Variants in PLEC observed in about 807,000 individuals in gnomAD.
PLEC encodes the protein hemidesmosomal protein 1.
In PLEC, 216 loss-of-function variants were observed where a neutral mutation model predicts 392.8. That is an observed-to-expected ratio of 0.55 (90% CI 0.49 to 0.62). PLEC has a LOEUF of 0.62. PLEC is among the 20% of genes least tolerant of loss of function. PLEC has a pLI of 0.00. For missense variants in PLEC, 6,863 were observed against 6,563.4 expected (o/e 1.05, Z -1.58); for synonymous variants, 3,621 against 2,980.6 (o/e 1.21, Z -7.00).
At position 143,929,407 on chromosome 8, in the gene PLEC, C is replaced by A; in HGVS notation, c.3081+7G>T. On this transcript the variant is annotated splice_region_variant and intron_variant, in intron 24 of 31. Coordinates refer to ENST00000345136, the MANE Select transcript of PLEC (RefSeq NM_201384.3). ...GATGGGACTGGATGGGGGGGGACGG[C>A]CCCTGCCTGCTGCTCGGCGATGCGC... The A allele has an allele frequency of 6.4e-7, 1 of 1,560,960 alleles. No homozygotes were observed. The highest frequency in any genetic ancestry group is 1.2e-5 in the South Asian group (1 of 86,164).
intron 3 of PLEC, chr8:143,937,772 C>T (rs1554724682): frequency 2.6e-5 from 13 of 507,132 alleles, no homozygotes; most frequent in South Asian, 2.0e-4. Flanking sequence ...CTGCTTACGT[C>T]CCGCTCCCTC....
rs782394400 is a variant in PLEC, at chr8:143,932,360, A to C, written c.1977+40T>G. 3 of 1,610,674 alleles carry C rather than the reference A, an allele frequency of 1.9e-6. No individual in the cohort carries two copies. The South Asian group carries it at 3.3e-5, about 18-fold the overall frequency. On this transcript the variant is annotated intron_variant, in intron 16 of 31. Coordinates refer to ENST00000345136, the MANE Select transcript of PLEC (RefSeq NM_201384.3). ...GGGGACGGCCAGGGCACAGCTGGGG[A>C]GGGGGCTGTGGGGTTCAGGGCAGCT...
chr8:143,921,218 A>C lies in PLEC; in HGVS notation c.8603T>G (p.Leu2868Arg). ...THENLTYLQL[L>R]ERCVEDPETG... ...CTCGGGGTCCTCCACGCAGCGCTCC[A>C]GTAGCTGCAGGTACGTGAGGTTCTC... is the stretch of plus-strand genomic sequence containing the variant. The change falls in exon 32 of 32, where the codon CTG (leucine) becomes CGG (arginine). Residue 2868 changes from leucine (L) to arginine (R), a missense_variant. Coordinates refer to ENST00000345136, the MANE Select transcript of PLEC (RefSeq NM_201384.3). 2 of 1,614,066 alleles carry C rather than the reference A, an allele frequency of 1.2e-6. No homozygotes were observed. The highest frequency in any genetic ancestry group is 2.2e-5 in the East Asian group (1 of 44,874).
At position 143,924,910 on chromosome 8, in the gene PLEC, C is replaced by A; in HGVS notation, c.5019G>T (p.Ala1673=). Residue 1673 remains alanine, a synonymous_variant, in exon 31 of 32, where the codon GCG becomes GCT. Coordinates refer to ENST00000345136, the MANE Select transcript of PLEC (RefSeq NM_201384.3). The part of the protein sequence containing the change: ...EKQKEEAERE[A]RRRGKAEEQA... Reference sequence around the variant, plus strand: ...GCTCCTCCGCCTTGCCGCGCCGCCGCGCCTCGCGCTCCGCCTCCTCCTTCT... The same window carrying A: ...GCTCCTCCGCCTTGCCGCGCCGCCGAGCCTCGCGCTCCGCCTCCTCCTTCT... 1 of 1,586,482 alleles carries A rather than the reference C, an allele frequency of 6.3e-7. No homozygotes were observed. Among genetic ancestry groups the A allele is most frequent in the Non-Finnish European group, 8.5e-7 (1 of 1,174,112 alleles).
rs1554712772 is a variant in PLEC, at chr8:143,930,068, A to C, written c.2613-6T>G. 6.2e-7 allele frequency: 1 copy of C among 1,609,846 alleles called. No homozygotes were observed. The highest frequency in any genetic ancestry group is 1.1e-5 in the South Asian group (1 of 91,042). On this transcript the variant is annotated splice_polypyrimidine_tract_variant and splice_region_variant and intron_variant, in intron 21 of 31. Coordinates refer to ENST00000345136, the MANE Select transcript of PLEC (RefSeq NM_201384.3). ...CCTGGTGCTGGGCCTCCAGCCTGGC[A>C]GGTCAGGGCTACAGTCAGCGTCACC...
upstream of PLEC, chr8:143,942,288 A>G (rs1389835828): frequency 3.7e-5 from 52 of 1,396,562 alleles, no homozygotes; most frequent in Admixed American, 3.0e-4. Flanking sequence ...CCAAGGCGCC[A>G]CCCCCATCCC....
chr8:143,938,491 G>A (rs189856963), intron 2 of PLEC, 140 bp downstream of exon 2: 120 of 1,560,912 alleles, frequency 7.7e-5, no homozygotes, highest in Middle Eastern at 1.7e-4. Flanking sequence ...GGAAGAAAGA[G>A]GACAGAAAAT....
At position 143,969,925 on chromosome 8, in the gene PLEC, TGG is replaced by T. The variant is rs1368125128; in HGVS notation, c.70+3476_70+3477del. ...CAGGGGTGGGAGGCCTGCATTGGTCTGGGGGAAAAGCGGGCCTGGAGAGGGGC... is the reference window on the plus strand; with the variant it reads ...CAGGGGTGGGAGGCCTGCATTGGTCTGGGAAAAGCGGGCCTGGAGAGGGGC... On this transcript the variant is annotated intron_variant, in intron 1 of 31. Transcript: ENST00000356346. This position sits in a 1 kb window ranked among gnomAD's most constrained non-coding sequence, Gnocchi z 5.1. 6.6e-6 allele frequency among the ~76,000 whole-genome samples: 1 copy of T among 151,100 alleles called. No individual in the cohort carries two copies. The highest frequency in any genetic ancestry group is 2.4e-5 in the African/African-American group (1 of 41,020).
rs1234107223 is a variant in PLEC, at chr8:143,939,432, C to T, written c.30G>A (p.Gln10=). 1.2e-6 allele frequency: 2 copies of T among 1,612,290 alleles called. No homozygotes were observed. Among genetic ancestry groups the T allele is most frequent in the Non-Finnish European group, 1.7e-6 (2 of 1,179,750 alleles). The stretch of plus-strand genomic sequence containing the variant: ...TTCTCTTTCGGCCCAGGCCCTCGGG[C>T]TGCGGCACGCGGAGCTGGTGCTGAG... MSQHQLRVP[Q]PEGLGRKRTS... The change falls in exon 1 of 32, where the codon CAG becomes CAA. Residue 10 remains glutamine, a synonymous_variant. Transcript: ENST00000345136.
rs782297310 is a variant in PLEC at position 143,923,133 on chromosome 8, G to A, written c.6796C>T (p.Leu2266=). ...LRDKDNTQRF[L]QEEAEKMKQV... Reference sequence around the variant, plus strand: ...TTCATCTTCTCAGCCTCCTCCTGCAGGAAGCGCTGCGTATTGTCCTTGTCA... The same window carrying A: ...TTCATCTTCTCAGCCTCCTCCTGCAAGAAGCGCTGCGTATTGTCCTTGTCA... The change falls in exon 31 of 32, where the codon CTG becomes TTG. Residue 2266 remains leucine (L), a synonymous_variant. Coordinates refer to ENST00000345136, the MANE Select transcript of PLEC (RefSeq NM_201384.3). 4 of 1,603,718 alleles carry A rather than the reference G, an allele frequency of 2.5e-6. No individual in the cohort carries two copies. Among genetic ancestry groups the A allele is most frequent in the Non-Finnish European group, 3.4e-6 (4 of 1,179,880 alleles).
Position 143,921,394 on chromosome 8 carries a change from C to A in PLEC, c.8427G>T (p.Gln2809His). The stretch of plus-strand genomic sequence containing the variant: ...GGTCGATAACGCCGCCCGTGGCGAT[C>A]TGGGCCTCCAGCAGGCGGATGCCGT... The part of the protein sequence containing the change: ...REHGIRLLEA[Q>H]IATGGVIDPV... Residue 2809 changes from glutamine (Q) to histidine (H), a missense_variant, in exon 32 of 32, where the codon CAG becomes CAT. Coordinates refer to ENST00000345136, the MANE Select transcript of PLEC (RefSeq NM_201384.3). 1 of 1,613,406 alleles carries A rather than the reference C, an allele frequency of 6.2e-7. No individual in the cohort carries two copies. Among genetic ancestry groups the A allele is most frequent in the Non-Finnish European group, 8.5e-7 (1 of 1,179,784 alleles).
rs782717847 is a variant in PLEC, at chr8:143,925,735, C to T, written c.4194G>A (p.Gln1398=). The T allele has an allele frequency of 1.9e-6, 3 of 1,595,378 alleles. No individual in the cohort carries two copies. Among genetic ancestry groups the T allele is most frequent in the Non-Finnish European group, 2.5e-6 (3 of 1,177,888 alleles). Residue 1398 remains glutamine, a synonymous_variant, in exon 31 of 32, where the codon CAG becomes CAA. Transcript: ENST00000345136. ...CCTCCTCCCGCCGCACCACCTCCTC[C>T]TGCATGCGCTGCTGCAGCTCCTTCG... is the stretch of plus-strand genomic sequence containing the variant. ...REAKELQQRM[Q]EEVVRREEAA...
Position 143,933,353 on chromosome 8 carries a change from T to G in PLEC, c.1264-2A>C. 6.2e-7 allele frequency: 1 copy of G among 1,610,248 alleles called. No individual in the cohort carries two copies. Among genetic ancestry groups the G allele is most frequent in the Non-Finnish European group, 8.5e-7 (1 of 1,179,944 alleles). On this transcript the variant is annotated splice_acceptor_variant, in intron 12 of 31. Transcript: ENST00000345136. LOFTEE classifies it high-confidence loss of function. ...GCCTGCAGCCAGCAGCCGGACATCC[T>G]GCAAGGTCGTTGCCATGACTCGGAG...
intron 1 of PLEC, chr8:143,946,296 G>T: frequency 8.1e-7 from 1 of 1,232,312 alleles, no homozygotes; most frequent in Non-Finnish European, 1.1e-6. Flanking sequence ...TCTGCCAGAG[G>T]CGGCCCCGGC....
chr8:143,968,304 C>T (rs1159666253), intron 1 of PLEC, among the ~76,000 whole-genome samples: 1 of 151,410 alleles, frequency 6.6e-6, no homozygotes, highest in Non-Finnish European at 1.5e-5. Flanking sequence ...CAAAGGACAC[C>T]ACCGGCCAGG....
intron 1 of PLEC, among the ~76,000 whole-genome samples, chr8:143,947,480 G>A (rs781822709): frequency 2.0e-5 from 3 of 152,190 alleles, no homozygotes; most frequent in African/African-American, 4.8e-5. Context: ...AGGGCTGGGC[G>A]GTAGCTATAA....
chr8:143,968,316 G>C (rs1372383669), intron 1 of PLEC, among the ~76,000 whole-genome samples: 2 of 151,990 alleles, frequency 1.3e-5, no homozygotes, highest in Admixed American at 1.3e-4. Flanking sequence ...CCGGCCAGGT[G>C]AGGTGGCTCA....
At position 143,917,054 on chromosome 8, in the gene PLEC, T is replaced by TAGG. The variant is rs782283579; in HGVS notation, c.12764_12766dup (p.Ser4255dup). The TAGG allele has an allele frequency of 1.6e-5, 25 of 1,605,692 alleles. 1 individual carries two copies. The South Asian group carries it at 2.6e-4, about 17-fold the overall frequency. ...CCTGGAGACGGCGGGGCTGATGGGG[T>TAGG]AGGAGGAGGAGGATCCCACCGAGGA... On this transcript the variant is annotated inframe_insertion, in exon 32 of 32. Coordinates refer to ENST00000345136, the MANE Select transcript of PLEC (RefSeq NM_201384.3).
chr8:143,930,433 A>G lies in PLEC; in HGVS notation c.2408T>C (p.Met803Thr), dbSNP rs1554713824. 1.3e-6 allele frequency: 2 copies of G among 1,574,874 alleles called. No individual in the cohort carries two copies. Among genetic ancestry groups the G allele is most frequent in the African/African-American group, 1.3e-5 (1 of 74,172 alleles). ...GGCCAGCAGGGGCAGGCGGCCCCGCATGGGGTGGGCTGGGTGGCGGGGCTT... is the reference window on the plus strand; with the variant it reads ...GGCCAGCAGGGGCAGGCGGCCCCGCGTGGGGTGGGCTGGGTGGCGGGGCTT... ...QLKPRHPAHP[M>T]RGRLPLLAVC... The change falls in exon 20 of 32, where the codon ATG becomes ACG. Residue 803 changes from methionine (M) to threonine (T), a missense_variant. Transcript: ENST00000345136.
Sources: gnomAD v4.1 joint callset for allele counts (sites outside exome capture counted in the v4.1 genomes callset) on GRCh38, gnomAD v4.1.1 for gene constraint, Gnocchi (gnomAD v3.1) non-coding constraint, MANE v1.5 for transcripts, NCBI Gene and HGNC (gene_info 2026-07-23, HGNC 2026-07-21) for gene names.